Variants in SCN8A observed in about 807,000 individuals in gnomAD.
SCN8A encodes sodium channel protein type 8 subunit alpha.
SCN8A carries 30 observed loss-of-function variants against 184.1 expected under a neutral mutation model. That is an observed-to-expected ratio of 0.16 (90% CI 0.12 to 0.22). The LOEUF is 0.22. SCN8A is among the 10% of genes least tolerant of loss of function. SCN8A has a pLI of 1.00. For synonymous variants in SCN8A, 852 were observed against 907.0 expected, an observed-to-expected ratio of 0.94 and a Z score of 1.09; for missense variants, 1,057 against 2,498.9, an observed-to-expected ratio of 0.42 and a Z score of 12.30.
intron 16 of SCN8A, among the ~76,000 whole-genome samples, chr12:51,766,492 C>A (rs985086447): frequency 2.6e-4 from 40 of 152,140 alleles, no homozygotes; most frequent in Non-Finnish European, 5.9e-5. Context: ...CCACTAGATG[C>A]CAGTAGCATC....
chr12:51,719,751 AAGG>A (rs1665007787), intron 11 of SCN8A, among the ~76,000 whole-genome samples: 3 of 150,506 alleles, frequency 2.0e-5, no homozygotes, highest in Admixed American at 2.0e-4. Flanking sequence ...CATGAAATTG[AAGG>A]AGAAGAATAA....
Position 51,769,983 on chromosome 12 carries a change from A to C in SCN8A, c.3488A>C (p.Glu1163Ala). 1 of 1,581,388 alleles carries C rather than the reference A, an allele frequency of 6.3e-7. No individual in the cohort carries two copies. Among genetic ancestry groups the C allele is most frequent in the East Asian group, 2.3e-5 (1 of 43,948 alleles). The change falls in exon 18 of 27, where the codon GAA (glutamate) becomes GCA (alanine). Residue 1163 changes from glutamate (E) to alanine (A), a missense_variant and splice_region_variant. Coordinates refer to ENST00000627620, the MANE Select transcript of SCN8A (RefSeq NM_001330260.2). ...TTGGATCCAGATGCCTGCTTCACAGAAGGTGAAAGGGGATGAGGAGCGGAT... is the reference window on the plus strand; with the variant it reads ...TTGGATCCAGATGCCTGCTTCACAGCAGGTGAAAGGGGATGAGGAGCGGAT... The part of the protein sequence containing the change: ...EYLDPDACFT[E>A]GCVQRFKCCQ...
chr12:51,693,900 A>T (rs948964978), intron 6 of SCN8A, among the ~76,000 whole-genome samples: 4 of 152,170 alleles, frequency 2.6e-5, no homozygotes, highest in Non-Finnish European at 4.4e-5. Flanking sequence ...CAAACTAGGG[A>T]ATATGAATTA....
At chr12:51,780,586 T>TGTTTCC in intron 20 of SCN8A, 63 bp from the exon 21 acceptor site, 1 of 321,852 alleles carries the variant, frequency 3.1e-6, no homozygotes, top group Non-Finnish European at 5.2e-6. Flanking sequence ...TTTTTTTTTT[T>TGTTTCC]TTTTTTTTTT....
In SCN8A at chr12:51,806,247, C is replaced by A. The variant is rs149882447; in HGVS notation, c.4796-35C>A. Reference sequence around the variant, plus strand: ...AATAAAGAGAAAGGGTGTCTCCCATCTCAATAACATAACTTCTTCTATTCC... The same window carrying A: ...AATAAAGAGAAAGGGTGTCTCCCATATCAATAACATAACTTCTTCTATTCC... On this transcript the variant is annotated intron_variant, in intron 26 of 26. Coordinates refer to ENST00000627620, the MANE Select transcript of SCN8A (RefSeq NM_001330260.2). The surrounding 1 kb of genome is among the most constrained non-coding windows in gnomAD (Gnocchi z 8.7). 186 of 1,494,408 alleles carry A rather than the reference C, an allele frequency of 1.2e-4. No homozygotes were observed. The African/African-American group carries it at 2.5e-3, about 20-fold the overall frequency. The allele number at this position is 1,494,408 out of a possible 1,614,324, so 92.6% of individuals were successfully genotyped here.
intron 11 of SCN8A, among the ~76,000 whole-genome samples, chr12:51,714,086 T>G (rs1056713298): frequency 2.6e-5 from 4 of 152,142 alleles, no homozygotes; most frequent in African/African-American, 9.7e-5. Flanking sequence ...TGCAGTATGA[T>G]TTTCTTTGGT....
At chr12:51,717,690 AAC>A (rs1414021606) in intron 11 of SCN8A, among the ~76,000 whole-genome samples, 1 of 152,192 alleles carries the variant, frequency 6.6e-6, no homozygotes, top group Non-Finnish European at 1.5e-5. Context: ...GTGTCCTTTT[AAC>A]ACACAGTGAC....
At position 51,663,007 on chromosome 12, in the gene SCN8A, A is replaced by G; in HGVS notation, c.190A>G (p.Ser64Gly). 6.2e-7 allele frequency: 1 copy of G among 1,614,020 alleles called. No individual in the cohort carries two copies. The change falls in exon 2 of 27, where the codon AGT becomes GGT. Residue 64 changes from serine to glycine, a missense_variant. This residue lies in a region of SCN8A where 66 missense variants were observed against 276.4 expected (regional missense o/e 0.24). Transcript: ENST00000627620. ...KPNSDLEAGK[S>G]LPFIYGDIPQ... is the part of the protein sequence containing the mutation. ...AAACAGCGACCTGGAAGCAGGGAAGAGTTTGCCTTTCATCTACGGGGACAT... is the reference window on the plus strand; with the variant it reads ...AAACAGCGACCTGGAAGCAGGGAAGGGTTTGCCTTTCATCTACGGGGACAT...
At chr12:51,629,582 C>CAAAAAAAA (rs71092711) in intron 1 of SCN8A, among the ~76,000 whole-genome samples, 1 of 129,558 alleles carries the variant, frequency 7.7e-6, no homozygotes, top group Non-Finnish European at 1.6e-5. Flanking sequence ...ATCAGTTTTG[C>CAAAAAAAA]AAAAAAAAAA....
At chr12:51,622,062 T>A (rs1939974382) in intron 1 of SCN8A, among the ~76,000 whole-genome samples, 1 of 152,248 alleles carries the variant, frequency 6.6e-6, no homozygotes, top group African/African-American at 2.4e-5. Flanking sequence ...TATACTTCTG[T>A]CACATAGAAA....
At chr12:51,699,915 C>T in intron 7 of SCN8A, 124 bp downstream of exon 7, 1 of 745,224 alleles carries the variant, frequency 1.3e-6, no homozygotes, top group South Asian at 1.9e-5. Flanking sequence ...TCCTATAATC[C>T]TAGCACTTTG....
chr12:51,681,995 A>G (rs952676340), intron 2 of SCN8A, among the ~76,000 whole-genome samples: 3 of 151,922 alleles, frequency 2.0e-5, no homozygotes, highest in Non-Finnish European at 4.4e-5. Flanking sequence ...GACCTGTATC[A>G]GGTTAAGAAG....
At chr12:51,782,548 G>A (rs559626296) in intron 21 of SCN8A, among the ~76,000 whole-genome samples, 14 of 152,300 alleles carry the variant, frequency 9.2e-5, no homozygotes, top group Admixed American at 7.2e-4. Context: ...ATCCCCTTAC[G>A]GTGATCCCTG....
intron 1 of SCN8A, among the ~76,000 whole-genome samples, chr12:51,659,712 A>C (rs936301259): frequency 6.6e-6 from 1 of 152,062 alleles, no homozygotes; most frequent in East Asian, 1.9e-4. Flanking sequence ...TAGTGGGGAG[A>C]CTACTGCAGT....
Position 51,810,193 on chromosome 12 carries a change from C to A in SCN8A, c.*2764C>A. Reference sequence around the variant, plus strand: ...GTAACACATGGGCCTTGGTATCTGGCACCCATCAGCCAGCCTCATAGGAAA... The same window carrying A: ...GTAACACATGGGCCTTGGTATCTGGAACCCATCAGCCAGCCTCATAGGAAA... On this transcript the variant is annotated 3_prime_UTR_variant, in exon 27 of 27. Transcript: ENST00000627620. 4.0e-6 allele frequency: 1 copy of A among 252,082 alleles called. No homozygotes were observed. 15.6% of individuals were successfully genotyped at this position (252,082 alleles called of 1,614,324 possible).
intron 1 of SCN8A, among the ~76,000 whole-genome samples, chr12:51,638,631 C>T (rs927056694): frequency 2.0e-5 from 3 of 152,008 alleles, no homozygotes; most frequent in East Asian, 1.9e-4. Flanking sequence ...GGACTACAGG[C>T]GCGTGCCACC....
chr12:51,709,774 ATAGAAG>A (rs1941844418), intron 11 of SCN8A, among the ~76,000 whole-genome samples: 1 of 152,154 alleles, frequency 6.6e-6, no homozygotes, highest in Admixed American at 6.5e-5. Context: ...AATAGAATAG[ATAGAAG>A]TAGAGCACAA....
At chr12:51,670,868 A>C (rs373552139) in intron 2 of SCN8A, among the ~76,000 whole-genome samples, 3 of 152,184 alleles carry the variant, frequency 2.0e-5, no homozygotes, top group Non-Finnish European at 4.4e-5. Flanking sequence ...AGTGTTTTCT[A>C]TATGCCGGGG....
rs1035396952 is a variant in SCN8A at position 51,663,163 on chromosome 12, G to A, written c.276+70G>A. ...CAGGCTTAGGGAGATGGGGGAGAAA[G>A]AACTGTGTCTCTTTGCCAAAGTTTG... is the stretch of plus-strand genomic sequence containing the variant. On this transcript the variant is annotated intron_variant, in intron 2 of 26. Transcript: ENST00000627620. 43 of 1,540,820 alleles carry A rather than the reference G, an allele frequency of 2.8e-5. No individual in the cohort carries two copies. In the South Asian group the frequency reaches 5.0e-4, roughly 18 times the overall value.
Sources: allele counts gnomAD v4.1 joint callset (sites outside exome capture counted in the v4.1 genomes callset), GRCh38; gene constraint gnomAD v4.1.1; regional missense constraint gnomAD v4.1.1; non-coding constraint Gnocchi (gnomAD v3.1); transcripts MANE v1.5; gene names NCBI Gene and HGNC (gene_info 2026-07-23, HGNC 2026-07-21).